IQSEC1: variants seen among roughly 807,000 people sequenced by gnomAD.
The protein encoded by IQSEC1 is IQ motif and SEC7 domain-containing protein 1.
IQSEC1 carries 31 observed loss-of-function variants against 91.0 expected under a neutral mutation model. The ratio of observed to expected loss-of-function variants is 0.34; its 90% CI spans 0.26 to 0.46. The LOEUF (loss-of-function observed/expected upper bound fraction) is 0.46. Among genes scored for constraint, IQSEC1 ranks in the 20% least tolerant of loss-of-function variants. IQSEC1 has a pLI of 1.00. For missense variants in IQSEC1, 1,388 were observed against 1,575.6 expected (o/e 0.88, Z 2.02); for synonymous variants, 699 against 662.6 (o/e 1.05, Z -0.84).
In IQSEC1 at chr3:13,239,760, G is replaced by A. The variant is rs181195516; in HGVS notation, c.272+42951C>T. On this transcript the variant is annotated intron_variant, in intron 1 of 15. Transcript: ENST00000648114. ...AGGTGAACCCTGAGGACTTGATGCT[G>A]AGGGAAATAAGCCGGACACAGAAGG... is the stretch of plus-strand genomic sequence containing the variant. Among the ~76,000 whole-genome samples the A allele has an allele frequency of 1.7e-4, 26 of 152,394 alleles. No individual in the cohort carries two copies. The East Asian group carries it at 4.8e-3, about 28-fold the overall frequency.
At chr3:13,225,199 T>G (rs777669339) in intron 1 of IQSEC1, among the ~76,000 whole-genome samples, 2 of 152,250 alleles carry the variant, frequency 1.3e-5, no homozygotes, top group Non-Finnish European at 2.9e-5. Flanking sequence ...AGGAGTTGTA[T>G]AACCCAATGG....
At position 13,141,948 on chromosome 3, in the gene IQSEC1, C is replaced by T. The variant is rs142799082; in HGVS notation, c.302+22156G>A. Among the ~76,000 whole-genome samples the T allele has an allele frequency of 6.5e-3, 993 of 152,260 alleles. 10 individuals are homozygous for T. Among genetic ancestry groups the T allele is most frequent in the African/African-American group, 0.023 (946 of 41,536 alleles). ...GCACAAACACCCCAAAGGAGATTTT[C>T]GGCAGCAGCAGCAGCATCAGGCAAC... On this transcript the variant is annotated intron_variant, in intron 2 of 15. Coordinates refer to the IQSEC1 transcript ENST00000648114.
At chr3:13,248,040 G>A (rs1456269303) in intron 1 of IQSEC1, among the ~76,000 whole-genome samples, 3 of 152,172 alleles carry the variant, frequency 2.0e-5, no homozygotes, top group Non-Finnish European at 2.9e-5. Context: ...CCCCCTACAG[G>A]TTCTTAAGGT....
At chr3:13,197,297 G>A (rs1182657789) in intron 1 of IQSEC1, among the ~76,000 whole-genome samples, 1 of 152,194 alleles carries the variant, frequency 6.6e-6, no homozygotes, top group Admixed American at 6.5e-5. Flanking sequence ...CCACAACAGC[G>A]GGAAAGAGGC....
Position 12,941,643 on chromosome 3 carries a change from C to T in IQSEC1, c.246G>A (p.Glu82=), listed in dbSNP as rs767066799. The change falls in exon 2 of 14, where the codon GAG becomes GAA. Residue 82 remains glutamate, a synonymous_variant. Coordinates refer to ENST00000613206, the MANE Select transcript of IQSEC1 (RefSeq NM_001134382.3). ...HSTSILRKQA[E]EEAIKRSRSL... is the part of the protein sequence containing the mutation. ...AGCGTGAGCGCTTGATGGCCTCCTCCTCAGCCTGCTTGCGCAGGATGGAGG... is the reference window on the plus strand; with the variant it reads ...AGCGTGAGCGCTTGATGGCCTCCTCTTCAGCCTGCTTGCGCAGGATGGAGG... The T allele has an allele frequency of 4.3e-6, 7 of 1,612,478 alleles. No homozygotes were observed. In the South Asian group the frequency reaches 4.4e-5, roughly 10 times the overall value.
rs1465115942 is a variant in IQSEC1, at chr3:12,941,887, G to A, written c.24-22C>T. ...GACGCTGCAGAGGAGAGAGAGGTGA[G>A]AAGCTTCTGGTAAGCGGGAAATCTG... is the stretch of plus-strand genomic sequence containing the variant. On this transcript the variant is annotated intron_variant, in intron 1 of 13. Transcript: ENST00000613206. 8 of 1,555,094 alleles carry A rather than the reference G, an allele frequency of 5.1e-6. No homozygotes were observed. In the African/African-American group the frequency reaches 1.1e-4, roughly 21 times the overall value.
At chr3:13,223,444 G>A (rs1478804351) in intron 1 of IQSEC1, among the ~76,000 whole-genome samples, 1 of 152,256 alleles carries the variant, frequency 6.6e-6, no homozygotes, top group Non-Finnish European at 1.5e-5. Context: ...AAGCTTCTCC[G>A]CCCACCCAGC....
Position 12,993,277 on chromosome 3 carries a change from G to A in IQSEC1, c.24-51412C>T, listed in dbSNP as rs1354271370. On this transcript the variant is annotated intron_variant, in intron 1 of 13. Transcript: ENST00000613206. ...GAGGGGCTGCCCAAGGTCACACGGG[G>A]TTGGGAGGCAGGGACAGGGCCAGGT... Among the ~76,000 whole-genome samples, 3 of 152,198 alleles carry A rather than the reference G, an allele frequency of 2.0e-5. No homozygotes were observed. In the South Asian group the frequency reaches 6.2e-4, roughly 32 times the overall value.
intron 1 of IQSEC1, among the ~76,000 whole-genome samples, chr3:13,167,112 G>C (rs542044898): frequency 1.3e-5 from 2 of 152,134 alleles, no homozygotes; most frequent in Non-Finnish European, 1.5e-5. Context: ...TGATTATGGC[G>C]GCACTCAGCA....
intron 2 of IQSEC1, among the ~76,000 whole-genome samples, chr3:13,096,797 C>A (rs1705970824): frequency 6.6e-6 from 1 of 152,150 alleles, no homozygotes; most frequent in African/African-American, 2.4e-5. Flanking sequence ...GGGCCTTCGA[C>A]AGACAACCAT....
intron 1 of IQSEC1, among the ~76,000 whole-genome samples, chr3:13,007,930 GA>G (rs1287148600): frequency 6.6e-6 from 1 of 151,990 alleles, no homozygotes; most frequent in Non-Finnish European, 1.5e-5. Flanking sequence ...CAAGGTCACA[GA>G]ATCCCCTGTC....
chr3:13,043,381 C>T (rs574830595), intron 1 of IQSEC1, among the ~76,000 whole-genome samples: 6 of 152,302 alleles, frequency 3.9e-5, no homozygotes, highest in Admixed American at 1.3e-4. Flanking sequence ...ACACACTAGC[C>T]ACCTGAAAGT....
intron 1 of IQSEC1, among the ~76,000 whole-genome samples, chr3:13,032,708 C>T (rs1487581865): frequency 5.3e-5 from 8 of 151,994 alleles, no homozygotes; most frequent in Admixed American, 3.3e-4. Flanking sequence ...CTCAGCCTCC[C>T]GAGTAGCTGG....
chr3:13,078,506 G>T (rs1357222546), intron 2 of IQSEC1, among the ~76,000 whole-genome samples: 1 of 152,036 alleles, frequency 6.6e-6, no homozygotes, highest in Non-Finnish European at 1.5e-5. Context: ...GTAGCCTGGG[G>T]GGGAAGGCCA....
chr3:13,250,917 T>C (rs1441269536), intron 1 of IQSEC1, among the ~76,000 whole-genome samples: 1 of 152,198 alleles, frequency 6.6e-6, no homozygotes, highest in Non-Finnish European at 1.5e-5. Context: ...CCCTGCCACA[T>C]GCAGCATCCA....
intron 2 of IQSEC1, among the ~76,000 whole-genome samples, chr3:13,162,847 C>T (rs1250843859): frequency 6.6e-6 from 1 of 152,132 alleles, no homozygotes. Context: ...GCCTGCTGCC[C>T]CCTCCCTCGG....
chr3:12,910,640 G>A (rs543467024), intron 10 of IQSEC1, among the ~76,000 whole-genome samples: 2 of 152,334 alleles, frequency 1.3e-5, no homozygotes, highest in South Asian at 4.1e-4. Context: ...TGGGGAGCAG[G>A]GCATACAGGG....
rs182356777 is a variant in IQSEC1, at chr3:13,170,786, C to T, written c.273-6653G>A. The stretch of plus-strand genomic sequence containing the variant: ...AGTCAAACAGTATTTAAAGATGGTC[C>T]AGCAGCCTTTTGGAGTCTTTAGAAA... On this transcript the variant is annotated intron_variant, in intron 1 of 15. Transcript: ENST00000648114. 1.4e-4 allele frequency among the ~76,000 whole-genome samples: 21 copies of T among 152,320 alleles called. No individual in the cohort carries two copies. In the East Asian group the frequency reaches 4.0e-3, roughly 29 times the overall value.
At chr3:12,919,970 C>T (rs1012925526) in intron 6 of IQSEC1, among the ~76,000 whole-genome samples, 1 of 152,250 alleles carries the variant, frequency 6.6e-6, no homozygotes, top group Non-Finnish European at 1.5e-5. Context: ...GGAAGCCGCA[C>T]TGGGCTAGAA....
Sources: allele counts gnomAD v4.1 joint callset (sites outside exome capture counted in the v4.1 genomes callset), GRCh38; gene constraint gnomAD v4.1.1; transcripts MANE v1.5; gene names NCBI Gene and HGNC (gene_info 2026-07-23, HGNC 2026-07-21).